Variants in TMPRSS11F observed in about 807,000 individuals in gnomAD.
TMPRSS11F encodes transmembrane protease serine 11F.
TMPRSS11F carries 47 observed loss-of-function variants against 60.2 expected under a neutral mutation model. That is an observed-to-expected ratio of 0.78 (90% CI 0.62 to 1.00). The LOEUF (loss-of-function observed/expected upper bound fraction) is 1.00. Ranked by LOEUF, TMPRSS11F falls within the 50% of genes least tolerant of loss-of-function variation. TMPRSS11F has a pLI of 0.00. For synonymous variants in TMPRSS11F, 166 were observed against 167.3 expected, an observed-to-expected ratio of 0.99 and a Z score of 0.06; for missense variants, 519 against 522.9, an observed-to-expected ratio of 0.99 and a Z score of 0.07.
chr4:68,109,807 T>C (rs1724376677), intron 1 of TMPRSS11F, among the ~76,000 whole-genome samples: 1 of 152,140 alleles, frequency 6.6e-6, no homozygotes, highest in Admixed American at 6.5e-5. Flanking sequence ...TTTAACATCA[T>C]TAAAACAAGA....
intron 5 of TMPRSS11F, 78 bp downstream of exon 5, chr4:68,072,245 A>C: frequency 5.1e-6 from 1 of 194,718 alleles, no homozygotes; most frequent in South Asian, 1.1e-4. Context: ...ATATATATAT[A>C]TATATTGCTT....
chr4:68,053,809 T>C lies in TMPRSS11F; in HGVS notation c.*100A>G, dbSNP rs1722988277. 7.9e-7 allele frequency: 1 copy of C among 1,259,884 alleles called. No homozygotes were observed. 78.0% of individuals were successfully genotyped at this position (1,259,884 alleles called of 1,614,324 possible). A position where few individuals can be genotyped will look rare whatever the true frequency, so the allele number is the denominator to read the frequency against. ...TGGGTCTGAAGGGCTTCTTGACATC[T>C]AGCAAAAGCACTAATCCAAAGTAAA... is the stretch of plus-strand genomic sequence containing the variant. On this transcript the variant is annotated 3_prime_UTR_variant, in exon 10 of 10. Coordinates refer to ENST00000356291, the MANE Select transcript of TMPRSS11F (RefSeq NM_207407.2).
intron 3 of TMPRSS11F, among the ~76,000 whole-genome samples, chr4:68,075,719 G>T (rs1391170682): frequency 1.3e-5 from 2 of 152,152 alleles, no homozygotes; most frequent in South Asian, 2.1e-4. Flanking sequence ...AATAGGCTGG[G>T]TGCGGTGGCT....
rs377045304 is a variant in TMPRSS11F at position 68,054,656 on chromosome 4, T to C, written c.1159-589A>G. 5.9e-5 allele frequency among the ~76,000 whole-genome samples: 9 copies of C among 152,314 alleles called. 1 individual carries two copies. In the South Asian group the frequency reaches 1.9e-3, roughly 32 times the overall value. On this transcript the variant is annotated intron_variant, in intron 9 of 9. Transcript: ENST00000356291. ...AATGCCGGTTTCAGGTCCAGCTCTATTAATTACTGGCTGTATGACCCTAGG... is the reference window on the plus strand; with the variant it reads ...AATGCCGGTTTCAGGTCCAGCTCTACTAATTACTGGCTGTATGACCCTAGG...
chr4:68,123,039 T>A (rs745603411), intron 1 of TMPRSS11F, among the ~76,000 whole-genome samples: 10 of 152,060 alleles, frequency 6.6e-5, no homozygotes, highest in Non-Finnish European at 1.2e-4. Flanking sequence ...TCTAAGAGAG[T>A]CAGAGTAAAT....
chr4:68,062,525 C>T (rs1478591371), intron 8 of TMPRSS11F: 1 of 745,046 alleles, frequency 1.3e-6, no homozygotes, highest in East Asian at 2.6e-5. Flanking sequence ...TGGATGGTAA[C>T]TGTTTGCTTA....
intron 8 of TMPRSS11F, chr4:68,062,411 C>T (rs1042614763): frequency 1.7e-6 from 1 of 584,644 alleles, no homozygotes; most frequent in Non-Finnish European, 3.3e-6. Flanking sequence ...TTCCATAGAA[C>T]TTAAAGCATT....
chr4:68,108,930 A>G (rs532792321), intron 1 of TMPRSS11F, among the ~76,000 whole-genome samples: 30 of 152,302 alleles, frequency 2.0e-4, no homozygotes, highest in Admixed American at 1.2e-3. Context: ...GTTAACTTAC[A>G]ATTAATCCAC....
At chr4:68,106,142 C>T (rs957645146) in intron 1 of TMPRSS11F, among the ~76,000 whole-genome samples, 3 of 152,008 alleles carry the variant, frequency 2.0e-5, no homozygotes, top group Non-Finnish European at 4.4e-5. Context: ...ATAAACAGAA[C>T]ACAGTACCTA....
chr4:68,119,399 T>G (rs1227759026), intron 1 of TMPRSS11F, among the ~76,000 whole-genome samples: 1 of 152,154 alleles, frequency 6.6e-6, no homozygotes, highest in Non-Finnish European at 1.5e-5. Context: ...GTAAACTAAA[T>G]AACAGATTTT....
At chr4:68,117,193 C>T (rs1019645930) in intron 1 of TMPRSS11F, among the ~76,000 whole-genome samples, 7 of 151,976 alleles carry the variant, frequency 4.6e-5, no homozygotes, top group Admixed American at 6.6e-5. Flanking sequence ...ATTGGCCAGG[C>T]GCGGTGGCTC....
At chr4:68,061,036 CTA>C (rs1160721654) in intron 8 of TMPRSS11F, among the ~76,000 whole-genome samples, 4 of 147,818 alleles carry the variant, frequency 2.7e-5, no homozygotes, top group African/African-American at 4.9e-5. Context: ...AAAAAAGAAA[CTA>C]TTTTTAATAT....
At chr4:68,096,702 C>T (rs1169656039) in intron 2 of TMPRSS11F, among the ~76,000 whole-genome samples, 2 of 152,148 alleles carry the variant, frequency 1.3e-5, no homozygotes, top group South Asian at 2.1e-4. Context: ...CACTGAAAGC[C>T]GATCATTCAT....
At chr4:68,078,554 C>T (rs1431100753) in intron 3 of TMPRSS11F, among the ~76,000 whole-genome samples, 1 of 152,030 alleles carries the variant, frequency 6.6e-6, no homozygotes, top group Non-Finnish European at 1.5e-5. Context: ...ATTGTCTGGC[C>T]CACAGTAAAC....
rs1000664726 is a variant in TMPRSS11F, at chr4:68,057,123, G to T, written c.1158+2203C>A. Among the ~76,000 whole-genome samples, 3 of 151,500 alleles carry T rather than the reference G, an allele frequency of 2.0e-5. No individual in the cohort carries two copies. In the South Asian group the frequency reaches 6.2e-4, roughly 32 times the overall value. On this transcript the variant is annotated intron_variant, in intron 9 of 9. Coordinates refer to ENST00000356291, the MANE Select transcript of TMPRSS11F (RefSeq NM_207407.2). ...AACATGGAGAAACCTCATCTTTACTGAAAATATAAAAACTAGCCAGGCATG... is the reference window on the plus strand; with the variant it reads ...AACATGGAGAAACCTCATCTTTACTTAAAATATAAAAACTAGCCAGGCATG...
chr4:68,099,989 T>A (rs1287243943), intron 1 of TMPRSS11F, among the ~76,000 whole-genome samples: 1 of 151,362 alleles, frequency 6.6e-6, no homozygotes, highest in Non-Finnish European at 1.5e-5. Context: ...TGTCAGGAGA[T>A]TTTATTAAGA....
At position 68,059,318 on chromosome 4, in the gene TMPRSS11F, A is replaced by T; in HGVS notation, c.1158+8T>A. 1 of 1,613,076 alleles carries T rather than the reference A, an allele frequency of 6.2e-7. No individual in the cohort carries two copies. The highest frequency in any genetic ancestry group is 1.1e-5 in the South Asian group (1 of 90,944). On this transcript the variant is annotated splice_region_variant and intron_variant, in intron 9 of 9. Coordinates refer to ENST00000356291, the MANE Select transcript of TMPRSS11F (RefSeq NM_207407.2). The stretch of plus-strand genomic sequence containing the variant: ...CTCATAAACTTTTGGCCTTGACTTT[A>T]AACTTACCTTACATGCATCTATTTT...
intron 7 of TMPRSS11F, among the ~76,000 whole-genome samples, chr4:68,065,664 A>G (rs534852759): frequency 6.6e-6 from 1 of 152,132 alleles, no homozygotes. Flanking sequence ...CTTTCTTTTT[A>G]AAGTTATCCT....
At chr4:68,054,165 C>A (rs1364804037) in intron 9 of TMPRSS11F, 98 bp from the exon 10 acceptor site, 7 of 1,063,074 alleles carry the variant, frequency 6.6e-6, no homozygotes, top group Non-Finnish European at 9.5e-6. Context: ...AATTGGTACA[C>A]AGACCACAGC....
Sources: gnomAD v4.1 joint callset for allele counts (sites outside exome capture counted in the v4.1 genomes callset) on GRCh38, gnomAD v4.1.1 for gene constraint, MANE v1.5 for transcripts, NCBI Gene and HGNC (gene_info 2026-07-23, HGNC 2026-07-21) for gene names.